Variants in SLC25A13 observed in about 807,000 individuals in gnomAD.
The protein encoded by SLC25A13 is electrogenic aspartate/glutamate antiporter SLC25A13, mitochondrial.
In SLC25A13, 70 loss-of-function variants were observed where a neutral mutation model predicts 85.5. The ratio of observed to expected loss-of-function variants is 0.82; its 90% CI spans 0.68 to 1.00. SLC25A13 has a LOEUF of 1.00. SLC25A13 is among the 50% of genes least tolerant of loss of function. The probability of loss-of-function intolerance (pLI) is 0.00; values close to 1 mark genes in which losing one functional copy is unlikely to be tolerated. For missense variants in SLC25A13, 765 were observed against 819.8 expected (o/e 0.93, Z 0.82); for synonymous variants, 259 against 288.7 (o/e 0.90, Z 1.04).
intron 4 of SLC25A13, 81 bp from the exon 5 acceptor site, chr7:96,209,058 C>T (rs1795582776): frequency 7.2e-7 from 1 of 1,386,100 alleles, no homozygotes; most frequent in East Asian, 2.3e-5. Context: ...ATGGATATCG[C>T]TTTTTCTTAT....
At chr7:96,278,037 A>AT (rs1219888968) in intron 2 of SLC25A13, among the ~76,000 whole-genome samples, 1 of 152,170 alleles carries the variant, frequency 6.6e-6, no homozygotes, top group Admixed American at 6.5e-5. Flanking sequence ...CTCAGTAAGA[A>AT]TTAGGTGGCA....
chr7:96,261,490 C>A (rs1050120403), intron 3 of SLC25A13, among the ~76,000 whole-genome samples: 2 of 152,136 alleles, frequency 1.3e-5, no homozygotes, highest in Non-Finnish European at 2.9e-5. Flanking sequence ...CAATTAAGTT[C>A]TTTCATCAGT....
At chr7:96,204,878 C>CA (rs1202382024) in intron 5 of SLC25A13, among the ~76,000 whole-genome samples, 1 of 152,102 alleles carries the variant, frequency 6.6e-6, no homozygotes, top group Non-Finnish European at 1.5e-5. Context: ...TCATGACACA[C>CA]AAAAAATACC....
chr7:96,231,928 C>A (rs1796554979), intron 4 of SLC25A13, among the ~76,000 whole-genome samples: 1 of 151,968 alleles, frequency 6.6e-6, no homozygotes, highest in Non-Finnish European at 1.5e-5. Flanking sequence ...CTGGTGCTAG[C>A]AAGGTTGCAG....
chr7:96,153,936 G>A lies in SLC25A13; in HGVS notation c.1312-7240C>T, dbSNP rs112554792. Among the ~76,000 whole-genome samples the A allele has an allele frequency of 3.2e-3, 490 of 152,116 alleles. 1 individual carries two copies. Among genetic ancestry groups the A allele is most frequent in the African/African-American group, 0.011 (458 of 41,480 alleles). ...TGAAGAAAAAATGTATTGTTTTAAA[G>A]GCACATAAACATTTGAATGAAAGAG... On this transcript the variant is annotated intron_variant, in intron 13 of 17. Transcript: ENST00000265631.
intron 3 of SLC25A13, among the ~76,000 whole-genome samples, chr7:96,274,172 G>A (rs1157895588): frequency 1.3e-5 from 2 of 151,700 alleles, no homozygotes; most frequent in South Asian, 2.1e-4. Context: ...AGTCATCAAG[G>A]CCTTCATTTT....
chr7:96,170,945 A>G (rs1793970007), intron 12 of SLC25A13, among the ~76,000 whole-genome samples: 1 of 152,132 alleles, frequency 6.6e-6, no homozygotes, highest in Admixed American at 6.5e-5. Flanking sequence ...TTCAACTAGA[A>G]CCCAGATCCC....
intron 4 of SLC25A13, among the ~76,000 whole-genome samples, chr7:96,226,376 A>C (rs1027552426): frequency 2.0e-5 from 3 of 152,150 alleles, no homozygotes; most frequent in Non-Finnish European, 4.4e-5. Flanking sequence ...TATGTATATA[A>C]ATTTTCTTTA....
intron 3 of SLC25A13, among the ~76,000 whole-genome samples, chr7:96,262,240 T>C (rs1417688836): frequency 6.6e-6 from 1 of 152,166 alleles, no homozygotes; most frequent in African/African-American, 2.4e-5. Context: ...TAGATTTATG[T>C]TTTAAACACC....
rs554212675 is a variant in SLC25A13 at position 96,238,299 on chromosome 7, C to T, written c.213-3382G>A. On this transcript the variant is annotated intron_variant, in intron 3 of 17. Coordinates refer to ENST00000265631, the MANE Select transcript of SLC25A13 (RefSeq NM_014251.3). ...ACCACCAGAAGACAGGAAAGAAGCA[C>T]GGAACAGATTCTCCCTTACAGCCCT... 5.9e-5 allele frequency among the ~76,000 whole-genome samples: 9 copies of T among 152,188 alleles called. No individual in the cohort carries two copies. The South Asian group carries it at 1.9e-3, about 31-fold the overall frequency.
At chr7:96,248,824 T>C (rs1335494017) in intron 3 of SLC25A13, among the ~76,000 whole-genome samples, 1 of 152,220 alleles carries the variant, frequency 6.6e-6, no homozygotes, top group African/African-American at 2.4e-5. Context: ...TTTCAAGATA[T>C]ACTGCTATCA....
intron 3 of SLC25A13, among the ~76,000 whole-genome samples, chr7:96,245,243 GTCTT>G (rs919557119): frequency 6.6e-5 from 10 of 152,184 alleles, no homozygotes; most frequent in African/African-American, 2.4e-4. Context: ...ACTAGAAAAT[GTCTT>G]TACTCTTCCT....
chr7:96,148,584 A>C (rs1185839071), intron 13 of SLC25A13, among the ~76,000 whole-genome samples: 2 of 152,236 alleles, frequency 1.3e-5, no homozygotes, highest in African/African-American at 4.8e-5. Context: ...ATAGTTAGAA[A>C]AATGAATAGA....
chr7:96,291,531 C>A (rs1378713743), intron 2 of SLC25A13, among the ~76,000 whole-genome samples: 2 of 151,774 alleles, frequency 1.3e-5, no homozygotes, highest in African/African-American at 4.8e-5. Context: ...AGACTGCTAG[C>A]AAGACTAATA....
rs575351234 is a variant in SLC25A13 at position 96,265,670 on chromosome 7, C to T, written c.212+11526G>A. 4.6e-5 allele frequency among the ~76,000 whole-genome samples: 7 copies of T among 152,182 alleles called. No individual in the cohort carries two copies. In the East Asian group the frequency reaches 5.8e-4, roughly 13 times the overall value. On this transcript the variant is annotated intron_variant, in intron 3 of 17. Transcript: ENST00000265631. Reference sequence around the variant, plus strand: ...ACATTCTGAAGCAGAATCAGTATGACGAAGATGATGAATGTGTAATGAAGA... The same window carrying T: ...ACATTCTGAAGCAGAATCAGTATGATGAAGATGATGAATGTGTAATGAAGA...
At chr7:96,251,650 G>C (rs759170470) in intron 3 of SLC25A13, among the ~76,000 whole-genome samples, 6 of 152,194 alleles carry the variant, frequency 3.9e-5, no homozygotes, top group African/African-American at 1.4e-4. Context: ...CCAATCACCA[G>C]TTGCATTGCA....
chr7:96,121,736 A>C lies in SLC25A13; in HGVS notation c.1760T>G (p.Phe587Cys). ...ALWKGAGARV[F>C]RSSPQFGVTL... ...TACACCAAACTGGGGTGAGGATCGA[A>C]ATACACGAGCTTTAAAAAAATGGAG... The change falls in exon 17 of 18, where the codon TTT becomes TGT. Residue 587 changes from phenylalanine (F) to cysteine (C), a missense_variant. Physicochemically the swap from Phe to Cys is radical, Grantham distance 205. Transcript: ENST00000265631. 1 of 1,614,216 alleles carries C rather than the reference A, an allele frequency of 6.2e-7. No individual in the cohort carries two copies. The highest frequency in any genetic ancestry group is 8.5e-7 in the Non-Finnish European group (1 of 1,180,038).
chr7:96,203,975 C>T (rs933236413), intron 5 of SLC25A13, among the ~76,000 whole-genome samples: 3 of 152,280 alleles, frequency 2.0e-5, no homozygotes, highest in Non-Finnish European at 2.9e-5. Context: ...GGAACGGCAT[C>T]GTATTCTTGA....
At chr7:96,174,878 A>C (rs565258279) in intron 11 of SLC25A13, among the ~76,000 whole-genome samples, 2 of 152,360 alleles carry the variant, frequency 1.3e-5, no homozygotes, top group South Asian at 2.1e-4. Context: ...ACTACAAAGA[A>C]GGCAACAAGT....
Sources: gnomAD v4.1 joint callset for allele counts (sites outside exome capture counted in the v4.1 genomes callset) on GRCh38, gnomAD v4.1.1 for gene constraint, MANE v1.5 for transcripts, NCBI Gene and HGNC (gene_info 2026-07-23, HGNC 2026-07-21) for gene names.